The following NDUFS1 variants were observed in gnomAD, a reference collection of about 807,000 sequenced individuals.
NDUFS1 encodes the protein NADH:ubiquinone oxidoreductase core subunit S1.
In NDUFS1, 61 loss-of-function variants were observed where a neutral mutation model predicts 84.4. The observed-to-expected ratio is 0.72, with a 90% CI of 0.59 to 0.89. NDUFS1 has a LOEUF of 0.89. NDUFS1 is among the 40% of genes least tolerant of loss of function. The pLI is 0.00. For missense variants in NDUFS1, 891 were observed against 890.0 expected, an observed-to-expected ratio of 1.00 and a Z score of -0.01; for synonymous variants, 275 against 290.0, an observed-to-expected ratio of 0.95 and a Z score of 0.53.
Position 206,130,303 on chromosome 2 carries a change from G to A in NDUFS1, c.1554-61C>T, listed in dbSNP as rs191641110. The A allele has an allele frequency of 4.5e-5, 70 of 1,564,802 alleles. No homozygotes were observed. In the East Asian group the frequency reaches 9.9e-4, roughly 22 times the overall value. ...GTATTTTCAATGTAAAAAATTAAAT[G>A]TGATTTTTGGAATAATTTCCTTTCA... On this transcript the variant is annotated intron_variant, in intron 14 of 18. Coordinates refer to ENST00000233190, the MANE Select transcript of NDUFS1 (RefSeq NM_005006.7).
chr2:206,144,683 GA>G (rs1157902977), intron 9 of NDUFS1, among the ~76,000 whole-genome samples: 1 of 152,016 alleles, frequency 6.6e-6, no homozygotes, highest in Non-Finnish European at 1.5e-5. Flanking sequence ...CATGTGGGAG[GA>G]AAAAATATCT....
At chr2:206,140,962 A>G (rs1275587953) in intron 12 of NDUFS1, among the ~76,000 whole-genome samples, 1 of 150,682 alleles carries the variant, frequency 6.6e-6, no homozygotes, top group Non-Finnish European at 1.5e-5. Flanking sequence ...ACTGAGAATC[A>G]TAATACAAAT....
At position 206,147,553 on chromosome 2, in the gene NDUFS1, T is replaced by C. The variant is rs140126185; in HGVS notation, c.529A>G (p.Ile177Val). The change falls in exon 7 of 19, where the codon ATA becomes GTA. Residue 177 changes from isoleucine (I) to valine (V), a missense_variant. Ile to Val is a conservative substitution (Grantham distance 29). Coordinates refer to ENST00000233190, the MANE Select transcript of NDUFS1 (RefSeq NM_005006.7). Reference protein sequence around the residue: ...PLVKTIMTRCIQCTRCIRFAS... With the variant: ...PLVKTIMTRCVQCTRCIRFAS... ...TACCTGATGCAGCGAGTACACTGTATACATCTTGTCATGATGGTCTTTACC... is the reference window on the plus strand; with the variant it reads ...TACCTGATGCAGCGAGTACACTGTACACATCTTGTCATGATGGTCTTTACC... 1,082 of 1,614,200 alleles carry C rather than the reference T, an allele frequency of 6.7e-4. 2 individuals carry two copies. Among genetic ancestry groups the C allele is most frequent in the Non-Finnish European group, 8.5e-4 (999 of 1,180,004 alleles).
At chr2:206,125,444 A>G (rs1181173314) in intron 18 of NDUFS1, among the ~76,000 whole-genome samples, 1 of 151,958 alleles carries the variant, frequency 6.6e-6, no homozygotes, top group Non-Finnish European at 1.5e-5. Flanking sequence ...CCTGGGTGAC[A>G]GAGTAAAATC....
At chr2:206,128,443 G>A (rs1335679300) in intron 15 of NDUFS1, among the ~76,000 whole-genome samples, 1 of 151,256 alleles carries the variant, frequency 6.6e-6, no homozygotes, top group Non-Finnish European at 1.5e-5. Context: ...TGGGATTACA[G>A]GCATGAGCCA....
At chr2:206,151,254 C>A (rs916377602) in intron 3 of NDUFS1, among the ~76,000 whole-genome samples, 2 of 152,180 alleles carry the variant, frequency 1.3e-5, no homozygotes, top group African/African-American at 4.8e-5. Flanking sequence ...CTGGACCTTC[C>A]CTTCCTCAAT....
intron 12 of NDUFS1, among the ~76,000 whole-genome samples, chr2:206,140,939 T>TACACACACACACACACACAC (rs1409794419): frequency 5.1e-5 from 3 of 58,530 alleles, no homozygotes; most frequent in Admixed American, 3.4e-4. Flanking sequence ...TATATATATA[T>TACACACACACACACACACAC]ATATACACAC....
intron 13 of NDUFS1, among the ~76,000 whole-genome samples, chr2:206,136,341 C>T (rs894561009): frequency 1.1e-4 from 16 of 151,300 alleles, no homozygotes; most frequent in South Asian, 6.3e-4. Flanking sequence ...CATGAGCCAC[C>T]GCACCCAGCC....
At chr2:206,142,567 G>C in intron 11 of NDUFS1, 119 bp downstream of exon 11, 2 of 1,246,252 alleles carry the variant, frequency 1.6e-6, no homozygotes, top group Middle Eastern at 2.1e-4. Context: ...GTTTGATCTT[G>C]GTCTATATAT....
chr2:206,128,711 G>A (rs1691389944), intron 15 of NDUFS1, among the ~76,000 whole-genome samples: 1 of 148,944 alleles, frequency 6.7e-6, no homozygotes, highest in Non-Finnish European at 1.5e-5. Flanking sequence ...AACCCGTGAG[G>A]CTGGGGCTGC....
chr2:206,119,242 T>C lies in NDUFS1; in HGVS notation c.*4943A>G, dbSNP rs984408377. 1 of 151,984 alleles carries C rather than the reference T, an allele frequency of 6.6e-6. No homozygotes were observed. Among genetic ancestry groups the C allele is most frequent in the Non-Finnish European group, 1.5e-5 (1 of 67,982 alleles). 9.4% of individuals were successfully genotyped at this position (151,984 alleles called of 1,614,324 possible). On this transcript the variant is annotated 3_prime_UTR_variant, in exon 19 of 19. Transcript: ENST00000233190. ...TATATGTCAGGAAACAGGCCTAAGG[T>C]TTTTACAAGCTTTCTGATGTAATCA...
intron 15 of NDUFS1, among the ~76,000 whole-genome samples, chr2:206,129,507 C>T (rs1343109245): frequency 6.6e-6 from 1 of 152,136 alleles, no homozygotes; most frequent in East Asian, 1.9e-4. Flanking sequence ...AACAAATCCT[C>T]CTGCCTCAGC....
rs1691140540 is a variant in NDUFS1, at chr2:206,122,760, A to G, written c.*1425T>C. 1 of 151,992 alleles carries G rather than the reference A, an allele frequency of 6.6e-6. No homozygotes were observed. The highest frequency in any genetic ancestry group is 2.1e-4 in the South Asian group (1 of 4,826). 9.4% of individuals were successfully genotyped at this position (151,992 alleles called of 1,614,324 possible). ...TAGTTTTGTTTGTTTGTTTGAAACA[A>G]AGTCTTGCTCTGTTGCCCAGGCTGG... is the stretch of plus-strand genomic sequence containing the variant. On this transcript the variant is annotated 3_prime_UTR_variant, in exon 19 of 19. Transcript: ENST00000233190.
At chr2:206,136,730 G>A (rs1430199199) in intron 13 of NDUFS1, among the ~76,000 whole-genome samples, 1 of 150,436 alleles carries the variant, frequency 6.6e-6, no homozygotes, top group East Asian at 2.0e-4. Context: ...CACTGCACCT[G>A]GCCGGAAATT....
At chr2:206,146,666 T>A (rs1202458930) in intron 8 of NDUFS1, among the ~76,000 whole-genome samples, 1 of 152,176 alleles carries the variant, frequency 6.6e-6, no homozygotes, top group Non-Finnish European at 1.5e-5. Context: ...GAAGAACACA[T>A]GAAAAAAATA....
intron 1 of NDUFS1, among the ~76,000 whole-genome samples, chr2:206,156,388 C>T (rs968928230): frequency 2.7e-5 from 4 of 148,666 alleles, no homozygotes; most frequent in African/African-American, 9.9e-5. Context: ...GCCTGGGCAA[C>T]ACAGCATGAT....
intron 3 of NDUFS1, among the ~76,000 whole-genome samples, chr2:206,151,944 C>T (rs1435053751): frequency 6.6e-6 from 1 of 152,168 alleles, no homozygotes; most frequent in African/African-American, 2.4e-5. Context: ...CGGCTCACTG[C>T]AACCTCCGCC....
At chr2:206,153,190 T>C (rs1692442246) in intron 2 of NDUFS1, among the ~76,000 whole-genome samples, 1 of 151,900 alleles carries the variant, frequency 6.6e-6, no homozygotes, top group African/African-American at 2.4e-5. Context: ...AGATCATTTG[T>C]TTCTTCTTTT....
rs1192887533 is a variant in NDUFS1, at chr2:206,121,670, C to T, written c.*2515G>A. On this transcript the variant is annotated 3_prime_UTR_variant, in exon 19 of 19. Coordinates refer to ENST00000233190, the MANE Select transcript of NDUFS1 (RefSeq NM_005006.7). ...GTTTCACCACGTTGGCCAGGCTGGT[C>T]TCAAACTCCTGACCTCAATGATCTG... 2 of 152,170 alleles carry T rather than the reference C, an allele frequency of 1.3e-5. No individual in the cohort carries two copies. The highest frequency in any genetic ancestry group is 4.8e-5 in the African/African-American group (2 of 41,422). 9.4% of individuals were successfully genotyped at this position (152,170 alleles called of 1,614,324 possible). A position where few individuals can be genotyped will look rare whatever the true frequency, so the allele number is the denominator to read the frequency against.
Sources: gnomAD v4.1 joint callset for allele counts (sites outside exome capture counted in the v4.1 genomes callset) on GRCh38, gnomAD v4.1.1 for gene constraint, MANE v1.5 for transcripts, NCBI Gene and HGNC (gene_info 2026-07-23, HGNC 2026-07-21) for gene names.